Variants in NOD1 observed in about 807,000 individuals in gnomAD.
The protein encoded by NOD1 is nucleotide binding oligomerization domain containing 1.
Under a neutral mutation model 81.2 loss-of-function variants are expected in NOD1, and 70 were observed. That is an observed-to-expected ratio of 0.86 (90% CI 0.71 to 1.05). The LOEUF (loss-of-function observed/expected upper bound fraction) is 1.05. Ranked by LOEUF, NOD1 falls within the 50% of genes least tolerant of loss-of-function variation. NOD1 has a pLI of 0.00. For missense variants in NOD1, 1,233 were observed against 1,228.0 expected (o/e 1.00, Z -0.06); for synonymous variants, 508 against 526.9 (o/e 0.96, Z 0.49).
rs550457646 is a variant in NOD1 at position 30,457,010 on chromosome 7, G to A, written c.-89C>T. On this transcript the variant is annotated 5_prime_UTR_variant, in exon 4 of 14. Coordinates refer to ENST00000222823, the MANE Select transcript of NOD1 (RefSeq NM_006092.4). ...GAAGGGCAATCAGGATTCAGGCCGC[G>A]CCCTCCAGGGCCCCTGCTACTCTGC... 20 of 1,008,594 alleles carry A rather than the reference G, an allele frequency of 2.0e-5. No individual in the cohort carries two copies. Among genetic ancestry groups the A allele is most frequent in the Middle Eastern group, 2.8e-4 (1 of 3,538 alleles). The allele number at this position is 1,008,594 out of a possible 1,614,324, so 62.5% of individuals were successfully genotyped here. A position where few individuals can be genotyped will look rare whatever the true frequency, so the allele number is the denominator to read the frequency against.
chr7:30,446,670 C>A lies in NOD1; in HGVS notation c.2369+297G>T, dbSNP rs527901463. 14 of 411,680 alleles carry A rather than the reference C, an allele frequency of 3.4e-5. No homozygotes were observed. In the East Asian group the frequency reaches 5.9e-4, roughly 17 times the overall value. The allele number at this position is 411,680 out of a possible 1,614,324, so 25.5% of individuals were successfully genotyped here. ...AGGGCCCAAGCTCTTCCTTGCAACC[C>A]GACAGGAAACTCCCTTGGGGCAAAA... On this transcript the variant is annotated intron_variant, in intron 8 of 13. Coordinates refer to ENST00000222823, the MANE Select transcript of NOD1 (RefSeq NM_006092.4).
At position 30,425,579 on chromosome 7, in the gene NOD1, G is replaced by T; in HGVS notation, c.*59C>A. ...AGACACTGACACAAAAGACTGCCCA[G>T]AGTGGCATTTGCTGCTGAGGCTCCA... On this transcript the variant is annotated 3_prime_UTR_variant, in exon 14 of 14. Coordinates refer to ENST00000222823, the MANE Select transcript of NOD1 (RefSeq NM_006092.4). 1 of 1,242,034 alleles carries T rather than the reference G, an allele frequency of 8.1e-7. No homozygotes were observed. The highest frequency in any genetic ancestry group is 1.2e-6 in the Non-Finnish European group (1 of 840,284). The allele number at this position is 1,242,034 out of a possible 1,614,324, so 76.9% of individuals were successfully genotyped here. A position where few individuals can be genotyped will look rare whatever the true frequency, so the allele number is the denominator to read the frequency against.
chr7:30,445,122 G>C (rs1784900312), intron 9 of NOD1, among the ~76,000 whole-genome samples: 1 of 66,286 alleles, frequency 1.5e-5, no homozygotes. Context: ...GGGGTCGGGG[G>C]AGGGGGGAGG....
At chr7:30,445,756 CAAAAAAAAAAAA>C (rs35669955) in intron 9 of NOD1, among the ~76,000 whole-genome samples, 11 of 36,070 alleles carry the variant, frequency 3.0e-4, no homozygotes, top group Non-Finnish European at 4.1e-4. Flanking sequence ...GAGACTCTGT[CAAAAAAAAAAAA>C]AAAAAAAAAA....
At chr7:30,457,254 C>T (rs1452781961) in intron 3 of NOD1, among the ~76,000 whole-genome samples, 2 of 152,200 alleles carry the variant, frequency 1.3e-5, no homozygotes, top group East Asian at 3.9e-4. Flanking sequence ...TAGTTTGAGA[C>T]CAACCTGTGC....
At position 30,462,812 on chromosome 7, in the gene NOD1, C is replaced by T. The variant is rs148818092; in HGVS notation, c.-351-2771G>A. Among the ~76,000 whole-genome samples the T allele has an allele frequency of 1.1e-3, 174 of 151,946 alleles. 1 individual carries two copies. The highest frequency in any genetic ancestry group is 4.0e-3 in the African/African-American group (165 of 41,402). On this transcript the variant is annotated intron_variant, in intron 1 of 13. Transcript: ENST00000222823. ...AAAAATACAAAAATTAGCAGGGCAT[C>T]GTGGTGCACACCTGTAATCCCAGCT...
rs531179755 is a variant in NOD1 at position 30,446,795 on chromosome 7, C to T, written c.2369+172G>A. Reference sequence around the variant, plus strand: ...CCCTACCAATAACGGGAGGCCCTTCCAGAATCCAAGCCTCACAGATCACAC... The same window carrying T: ...CCCTACCAATAACGGGAGGCCCTTCTAGAATCCAAGCCTCACAGATCACAC... On this transcript the variant is annotated intron_variant, in intron 8 of 13. Transcript: ENST00000222823. 7 of 584,358 alleles carry T rather than the reference C, an allele frequency of 1.2e-5. No homozygotes were observed. The South Asian group carries it at 1.4e-4, about 12-fold the overall frequency. The allele number at this position is 584,358 out of a possible 1,614,324, so 36.2% of individuals were successfully genotyped here. A position where few individuals can be genotyped will look rare whatever the true frequency, so the allele number is the denominator to read the frequency against.
Position 30,468,675 on chromosome 7 carries a change from T to A in NOD1, c.-351-8634A>T, listed in dbSNP as rs116245616. ...GTACCTGCCTACCTCAGAGGTGATA[T>A]AACCCAGATTGCAAATGTCAATTAG... On this transcript the variant is annotated intron_variant, in intron 1 of 13. Transcript: ENST00000222823. Among the ~76,000 whole-genome samples the A allele has an allele frequency of 4.6e-3, 700 of 152,314 alleles. 6 individuals carry two copies. Among genetic ancestry groups the A allele is most frequent in the African/African-American group, 0.016 (663 of 41,574 alleles).
At chr7:30,471,026 C>A (rs886854705) in intron 1 of NOD1, among the ~76,000 whole-genome samples, 1 of 149,570 alleles carries the variant, frequency 6.7e-6, no homozygotes, top group African/African-American at 2.6e-5. Flanking sequence ...TATTAGTCAC[C>A]ACCAAAGTGG....
intron 1 of NOD1, among the ~76,000 whole-genome samples, chr7:30,461,069 T>C (rs993816885): frequency 3.9e-5 from 6 of 152,362 alleles, no homozygotes; most frequent in Admixed American, 3.9e-4. Flanking sequence ...AACTTTCTAA[T>C]AGCCACACTA....
At position 30,456,635 on chromosome 7, in the gene NOD1, C is replaced by T. The variant is rs148452030; in HGVS notation, c.201+86G>A. On this transcript the variant is annotated intron_variant, in intron 4 of 13. Coordinates refer to ENST00000222823, the MANE Select transcript of NOD1 (RefSeq NM_006092.4). ...CCCTGCCCGCTGGACTAAACTCCCA[C>T]GCTCTTCACTCAGATCAGCAGGGAG... 1,380 of 1,222,020 alleles carry T rather than the reference C, an allele frequency of 1.1e-3. 6 individuals carry two copies. Among genetic ancestry groups the T allele is most frequent in the Non-Finnish European group, 1.5e-3 (1,244 of 834,642 alleles). 75.7% of individuals were successfully genotyped at this position (1,222,020 alleles called of 1,614,324 possible).
chr7:30,456,152 G>T (rs1294288277), intron 4 of NOD1, among the ~76,000 whole-genome samples: 4 of 152,366 alleles, frequency 2.6e-5, no homozygotes, highest in Admixed American at 2.6e-4. Flanking sequence ...TCCCAGCGGG[G>T]TCATGTCATA....
rs200583987 is a variant in NOD1 at position 30,452,387 on chromosome 7, G to A, written c.1030C>T (p.Arg344Trp). The A allele has an allele frequency of 2.9e-5, 46 of 1,613,302 alleles. No homozygotes were observed. Among genetic ancestry groups the A allele is most frequent in the East Asian group, 1.1e-4 (5 of 44,884 alleles). Residue 344 changes from arginine (R) to tryptophan (W), a missense_variant, in exon 6 of 14, where the codon CGG becomes TGG. Physicochemically the swap from Arg to Trp is moderately radical, Grantham distance 101. Transcript: ENST00000222823. ...TGIEVPRQFL[R>W]KKVLLRGFSP... The stretch of plus-strand genomic sequence containing the variant: ...AAGCCCCGGAGAAGCACCTTCTTCC[G>A]CAGGAACTGGCGCGGGACCTCGATG...
intron 1 of NOD1, among the ~76,000 whole-genome samples, chr7:30,469,965 C>A (rs903206212): frequency 1.3e-5 from 2 of 149,012 alleles, no homozygotes; most frequent in African/African-American, 5.2e-5. Context: ...CTGTTTCTCC[C>A]CTAAGCCCAT....
intron 8 of NOD1, chr7:30,446,542 G>T: frequency 2.4e-6 from 1 of 424,490 alleles, no homozygotes; most frequent in Admixed American, 4.0e-5. Context: ...GTCCCACTTT[G>T]ACTGCCAAGG....
intron 13 of NOD1, among the ~76,000 whole-genome samples, chr7:30,427,688 C>A (rs1783573876): frequency 6.6e-6 from 1 of 152,232 alleles, no homozygotes; most frequent in African/African-American, 2.4e-5. Flanking sequence ...GGCCTTGAAG[C>A]TGAAGTCTCC....
chr7:30,424,795 G>A lies in NOD1; in HGVS notation c.*843C>T, dbSNP rs1783313314. ...GCCATTTGGATGCCAGGGCCACAGG[G>A]GCAAGCCATGCCCTATTTCTTTGGA... On this transcript the variant is annotated 3_prime_UTR_variant, in exon 14 of 14. Coordinates refer to ENST00000222823, the MANE Select transcript of NOD1 (RefSeq NM_006092.4). The A allele has an allele frequency of 6.6e-6, 1 of 152,262 alleles. No individual in the cohort carries two copies. Among genetic ancestry groups the A allele is most frequent in the African/African-American group, 2.4e-5 (1 of 41,430 alleles). 9.4% of individuals were successfully genotyped at this position (152,262 alleles called of 1,614,324 possible).
intron 1 of NOD1, among the ~76,000 whole-genome samples, chr7:30,472,599 C>T (rs1479978381): frequency 6.6e-6 from 1 of 152,218 alleles, no homozygotes; most frequent in African/African-American, 2.4e-5. Context: ...GGAGAACCCC[C>T]GATTTGATGG....
At chr7:30,447,163 G>A (rs1785196638) in intron 7 of NOD1, 113 bp from the exon 8 acceptor site, 9 of 1,574,888 alleles carry the variant, frequency 5.7e-6, no homozygotes, top group Non-Finnish European at 7.8e-6. Context: ...GTTGAAAGGG[G>A]AACACACAGG....
Sources: allele counts gnomAD v4.1 joint callset (sites outside exome capture counted in the v4.1 genomes callset), GRCh38; gene constraint gnomAD v4.1.1; transcripts MANE v1.5; gene names NCBI Gene and HGNC (gene_info 2026-07-23, HGNC 2026-07-21).